PHTF2: variants seen among roughly 807,000 people sequenced by gnomAD.
PHTF2 encodes the protein putative homeodomain transcription factor 2.
Under a neutral mutation model 101.2 loss-of-function variants are expected in PHTF2, and 60 were observed. The ratio of observed to expected loss-of-function variants is 0.59; its 90% CI spans 0.48 to 0.73. The LOEUF (loss-of-function observed/expected upper bound fraction) is 0.73. Ranked by LOEUF, PHTF2 falls within the 30% of genes least tolerant of loss-of-function variation. The pLI is 0.00. For synonymous variants in PHTF2, 311 were observed against 307.3 expected (o/e 1.01, Z -0.13); for missense variants, 747 against 908.7 (o/e 0.82, Z 2.29).
intron 3 of PHTF2, among the ~76,000 whole-genome samples, chr7:77,857,368 C>T (rs912927746): frequency 1.3e-5 from 2 of 152,198 alleles, no homozygotes; most frequent in African/African-American, 4.8e-5. Context: ...TTTGGATTCT[C>T]TCTACCCTGA....
intron 1 of PHTF2, among the ~76,000 whole-genome samples, chr7:77,831,711 AGCACG>A: frequency 6.6e-6 from 1 of 152,308 alleles, no homozygotes; most frequent in African/African-American, 2.4e-5. Context: ...GCATGAACAG[AGCACG>A]GCTGCCATGA....
At chr7:77,858,191 A>G (rs1797333880) in intron 3 of PHTF2, among the ~76,000 whole-genome samples, 1 of 152,184 alleles carries the variant, frequency 6.6e-6, no homozygotes, top group African/African-American at 2.4e-5. Context: ...AGGTTAGTTT[A>G]GTTGCTGTAA....
intron 1 of PHTF2, among the ~76,000 whole-genome samples, chr7:77,836,959 G>A (rs1011005892): frequency 7.3e-5 from 10 of 136,600 alleles, no homozygotes; most frequent in African/African-American, 2.8e-4. Context: ...AAAACTTAAA[G>A]TATAATAAAA....
intron 1 of PHTF2, among the ~76,000 whole-genome samples, chr7:77,837,933 A>T (rs1035354694): frequency 2.0e-5 from 3 of 152,122 alleles, no homozygotes; most frequent in Non-Finnish European, 4.4e-5. Flanking sequence ...GTTGGGGGTT[A>T]GGAAAGAGGA....
chr7:77,887,258 T>A (rs1388874938), intron 3 of PHTF2, among the ~76,000 whole-genome samples: 1 of 152,124 alleles, frequency 6.6e-6, no homozygotes, highest in East Asian at 1.9e-4. Flanking sequence ...CATTTTCCTG[T>A]TAGAACAGTC....
chr7:77,948,670 A>G (rs1394324667), intron 16 of PHTF2, among the ~76,000 whole-genome samples: 1 of 152,224 alleles, frequency 6.6e-6, no homozygotes, highest in Non-Finnish European at 1.5e-5. Context: ...TCAATTACCA[A>G]TAAGCATATG....
At chr7:77,861,971 C>T (rs561244063) in intron 3 of PHTF2, among the ~76,000 whole-genome samples, 41 of 151,766 alleles carry the variant, frequency 2.7e-4, no homozygotes, top group African/African-American at 8.9e-4. Flanking sequence ...GCAGGAGAAT[C>T]GCTTGAACCT....
exon 11 of PHTF2, chr7:77,922,732 T>G: frequency 6.2e-7 from 1 of 1,607,692 alleles, no homozygotes. Flanking sequence ...GAAGGTGTTC[T>G]TCGGAATAGA....
chr7:77,951,241 C>G (rs746881729), intron 17 of PHTF2, among the ~76,000 whole-genome samples: 2 of 152,074 alleles, frequency 1.3e-5, no homozygotes, highest in African/African-American at 2.4e-5. Context: ...GATTTCAATA[C>G]CAGCCTGGGC....
rs1806088326 is a variant in PHTF2, at chr7:77,946,867, A to G, written c.1960-2811A>G. Among the ~76,000 whole-genome samples, 63 of 151,990 alleles carry G rather than the reference A, an allele frequency of 4.1e-4. 1 individual carries two copies. The highest frequency in any genetic ancestry group is 4.1e-3 in the Admixed American group (63 of 15,228). On this transcript the variant is annotated intron_variant, in intron 16 of 19. Coordinates refer to ENST00000416283, the Ensembl canonical transcript of PHTF2. ...CCAGGGACAGTGACTCATGGTTATA[A>G]TCTTAGCACTTTGGAAGGCCAAGGT... is the stretch of plus-strand genomic sequence containing the variant.
At chr7:77,825,121 C>A (rs1003291895) in intron 1 of PHTF2, among the ~76,000 whole-genome samples, 9 of 151,620 alleles carry the variant, frequency 5.9e-5, no homozygotes, top group African/African-American at 1.5e-4. Context: ...TTCACTAAAA[C>A]CAAATTAAGG....
At chr7:77,861,989 G>A (rs967414181) in intron 3 of PHTF2, among the ~76,000 whole-genome samples, 9 of 151,788 alleles carry the variant, frequency 5.9e-5, no homozygotes, top group African/African-American at 1.7e-4. Context: ...CCTGGAAAGC[G>A]GAGGTTGCAG....
At chr7:77,849,805 G>A (rs1302052472) in intron 2 of PHTF2, among the ~76,000 whole-genome samples, 1 of 152,144 alleles carries the variant, frequency 6.6e-6, no homozygotes, top group Non-Finnish European at 1.5e-5. Flanking sequence ...TTCTCTTTCA[G>A]ATTGTTCACT....
chr7:77,918,780 C>G (rs1435160686), intron 9 of PHTF2, among the ~76,000 whole-genome samples: 2 of 152,154 alleles, frequency 1.3e-5, no homozygotes, highest in East Asian at 3.9e-4. Context: ...GCTTATTGTT[C>G]CCTTGGTCTC....
chr7:77,876,136 C>A (rs1041094358), intron 3 of PHTF2, among the ~76,000 whole-genome samples: 4 of 152,136 alleles, frequency 2.6e-5, no homozygotes, highest in African/African-American at 9.7e-5. Flanking sequence ...ACAACCAAAT[C>A]TAGCCTATTT....
intron 5 of PHTF2, among the ~76,000 whole-genome samples, chr7:77,894,593 G>A (rs1033441766): frequency 2.0e-5 from 3 of 152,150 alleles, no homozygotes; most frequent in Non-Finnish European, 2.9e-5. Flanking sequence ...CAAAGTTGTG[G>A]TATGCGTTAA....
At chr7:77,865,273 T>C (rs1486524581) in intron 3 of PHTF2, among the ~76,000 whole-genome samples, 1 of 152,084 alleles carries the variant, frequency 6.6e-6, no homozygotes, top group Non-Finnish European at 1.5e-5. Flanking sequence ...TTGCCCAGGC[T>C]GGAGTGCAGT....
At chr7:77,872,319 A>G (rs1282296471) in intron 3 of PHTF2, among the ~76,000 whole-genome samples, 1 of 152,230 alleles carries the variant, frequency 6.6e-6, no homozygotes, top group African/African-American at 2.4e-5. Flanking sequence ...GAGCACTCAC[A>G]TGGGGTACAA....
intron 9 of PHTF2, among the ~76,000 whole-genome samples, chr7:77,916,558 A>AAAAAC (rs1281373121): frequency 1.3e-5 from 2 of 152,062 alleles, no homozygotes; most frequent in Admixed American, 6.6e-5. Context: ...TGTCTCTCTT[A>AAAAAC]AAAACAAAAC....
Sources: gnomAD v4.1 joint callset for allele counts (sites outside exome capture counted in the v4.1 genomes callset) on GRCh38, gnomAD v4.1.1 for gene constraint, MANE v1.5 for transcripts, NCBI Gene and HGNC (gene_info 2026-07-23, HGNC 2026-07-21) for gene names.